MCOLN2: variants seen among roughly 807,000 people sequenced by gnomAD.
The protein encoded by MCOLN2 is mucolipin TRP cation channel 2, also known as mucolipin-2.
A neutral mutation model predicts 67.5 loss-of-function variants in MCOLN2; 57 were observed. The ratio of observed to expected loss-of-function variants is 0.84; its 90% CI spans 0.68 to 1.05. MCOLN2 has a LOEUF of 1.05. MCOLN2 is among the 50% of genes least tolerant of loss of function. The probability of loss-of-function intolerance (pLI) is 0.00; values close to 1 mark genes in which losing one functional copy is unlikely to be tolerated. For synonymous variants in MCOLN2, 246 were observed against 233.3 expected (o/e 1.05, Z -0.50); for missense variants, 620 against 678.8 (o/e 0.91, Z 0.96).
At chr1:84,956,310 C>G in intron 4 of MCOLN2, 121 bp downstream of exon 4, 1 of 902,016 alleles carries the variant, frequency 1.1e-6, no homozygotes, top group South Asian at 1.6e-5. Flanking sequence ...GGAGTGTCAG[C>G]CCCTAACAGG....
chr1:84,969,570 CAAAAAA>C (rs60003501), intron 1 of MCOLN2, among the ~76,000 whole-genome samples: 2 of 80,702 alleles, frequency 2.5e-5, no homozygotes, highest in Non-Finnish European at 2.7e-5. Flanking sequence ...GACTCTGCCT[CAAAAAA>C]AAAAAAAAAA....
intron 4 of MCOLN2, among the ~76,000 whole-genome samples, chr1:84,955,557 T>C (rs1648740073): frequency 6.6e-6 from 1 of 152,174 alleles, no homozygotes; most frequent in African/African-American, 2.4e-5. Context: ...CTAGTTTCTA[T>C]AAGGACTTGT....
In MCOLN2 at chr1:84,952,265, T is replaced by C. The variant is rs779785162; in HGVS notation, c.725A>G (p.Asp242Gly). ...LQTIHSRELP[D>G]CYVFQNTIIF... ...TGCCGTATTCTGAAAGACATAACAG[T>C]CTGGTAACTCACGGGAATGAATTGT... Residue 242 changes from aspartate (D) to glycine (G), a missense_variant, in exon 6 of 14, where the codon GAC becomes GGC. Transcript: ENST00000370608. 25 of 1,612,522 alleles carry C rather than the reference T, an allele frequency of 1.6e-5. No homozygotes were observed. Among genetic ancestry groups the C allele is most frequent in the Non-Finnish European group, 2.1e-5 (25 of 1,179,174 alleles).
intron 1 of MCOLN2, among the ~76,000 whole-genome samples, chr1:84,975,066 T>A (rs1048726180): frequency 2.0e-5 from 3 of 152,230 alleles, no homozygotes; most frequent in African/African-American, 7.2e-5. Context: ...TTGTAGTCCC[T>A]GACTCCTGGA....
chr1:84,933,695 T>G (rs541971194), intron 11 of MCOLN2, among the ~76,000 whole-genome samples: 10 of 152,234 alleles, frequency 6.6e-5, no homozygotes, highest in Admixed American at 2.0e-4. Context: ...TTCTCTAGTT[T>G]CAAGAACCCC....
chr1:84,931,387 A>G lies in MCOLN2; in HGVS notation c.1517T>C (p.Ile506Thr). Residue 506 changes from isoleucine to threonine, a missense_variant, in exon 12 of 14, where the codon ATT becomes ACT. Ile to Thr is a moderately conservative substitution (Grantham distance 89). Coordinates refer to ENST00000370608, the MANE Select transcript of MCOLN2 (RefSeq NM_153259.4). ...YMILSLFIAL[I>T]TDSYDTIKKF... is the part of the protein sequence containing the mutation. ...CTTAATGGTGTCATAAGAATCTGTA[A>G]TAAGTGCAATAAAAAGACTGAGAAT... The G allele has an allele frequency of 6.3e-7, 1 of 1,586,004 alleles. No homozygotes were observed.
At chr1:84,977,199 A>G (rs560621920) in intron 1 of MCOLN2, among the ~76,000 whole-genome samples, 1 of 152,294 alleles carries the variant, frequency 6.6e-6, no homozygotes, top group East Asian at 1.9e-4. Context: ...GGTTTATAAG[A>G]TAGTATTTAC....
intron 1 of MCOLN2, among the ~76,000 whole-genome samples, chr1:84,992,729 T>TATA (rs1463708913): frequency 2.7e-5 from 4 of 147,520 alleles, no homozygotes; most frequent in Non-Finnish European, 1.5e-5. Context: ...CATAGTCTAT[T>TATA]AAGTCTGCAA....
At chr1:84,952,367 A>G (rs751378683) in intron 5 of MCOLN2, 28 bp from the exon 6 acceptor site, 80 of 1,591,194 alleles carry the variant, frequency 5.0e-5, no homozygotes, top group Non-Finnish European at 6.5e-5. Context: ...AAAGGTATAA[A>G]TTGTCATAAT....
At chr1:84,981,994 C>T (rs370185240) in intron 1 of MCOLN2, among the ~76,000 whole-genome samples, 19 of 150,360 alleles carry the variant, frequency 1.3e-4, no homozygotes, top group African/African-American at 3.7e-4. Context: ...CAAAAAATTA[C>T]GTTTATTGTA....
rs982971235 is a variant in MCOLN2 at position 84,926,514 on chromosome 1, A to G, written c.*171T>C. ...TATTCTTTATCATTCAAGTTTATAA[A>G]AAGTAAAGCTGGAACTTCAGTCATG... On this transcript the variant is annotated 3_prime_UTR_variant, in exon 14 of 14. Coordinates refer to ENST00000370608, the MANE Select transcript of MCOLN2 (RefSeq NM_153259.4). 2 of 450,070 alleles carry G rather than the reference A, an allele frequency of 4.4e-6. No individual in the cohort carries two copies. Among genetic ancestry groups the G allele is most frequent in the Non-Finnish European group, 8.0e-6 (2 of 250,300 alleles). The allele number at this position is 450,070 out of a possible 1,614,324, so 27.9% of individuals were successfully genotyped here.
chr1:84,980,478 A>G (rs1345294287), intron 1 of MCOLN2, among the ~76,000 whole-genome samples: 2 of 152,114 alleles, frequency 1.3e-5, no homozygotes, highest in Admixed American at 6.5e-5. Flanking sequence ...AAAAACAGAT[A>G]CACAGACCAA....
intron 7 of MCOLN2, 42 bp downstream of exon 7, chr1:84,946,991 A>T: frequency 3.1e-6 from 3 of 954,372 alleles, no homozygotes; most frequent in Middle Eastern, 2.5e-4. Flanking sequence ...AAGTGTTAAA[A>T]ATCATCTATA....
At chr1:84,965,735 T>A (rs756052192) in intron 1 of MCOLN2, 27 bp from the exon 2 acceptor site, 1 of 1,606,184 alleles carries the variant, frequency 6.2e-7, no homozygotes, top group South Asian at 1.1e-5. Flanking sequence ...ATTTTAAATA[T>A]CCAGGAAAGC....
Position 84,926,505 on chromosome 1 carries a change from A to G in MCOLN2, c.*180T>C, listed in dbSNP as rs147930099. On this transcript the variant is annotated 3_prime_UTR_variant, in exon 14 of 14. Coordinates refer to ENST00000370608, the MANE Select transcript of MCOLN2 (RefSeq NM_153259.4). ...CCCATGGTCTATTCTTTATCATTCA[A>G]GTTTATAAAAAGTAAAGCTGGAACT... 2.6e-3 allele frequency: 1,173 copies of G among 448,180 alleles called. 3 individuals carry two copies. The highest frequency in any genetic ancestry group is 3.9e-3 in the Non-Finnish European group (973 of 248,862). The allele number at this position is 448,180 out of a possible 1,614,324, so 27.8% of individuals were successfully genotyped here.
Position 84,997,085 on chromosome 1 carries a change from T to C in MCOLN2, c.-213A>G. ...GCAGTCGTGGAGTGCGGCGGGCAGT[T>C]CTCGGGCGGCTGAAAGGCGGCTCTG... On this transcript the variant is annotated 5_prime_UTR_variant, in exon 1 of 14. Transcript: ENST00000370608. The C allele has an allele frequency of 1.7e-6, 1 of 578,974 alleles. No individual in the cohort carries two copies. Among genetic ancestry groups the C allele is most frequent in the Non-Finnish European group, 3.0e-6 (1 of 327,932 alleles). The allele number at this position is 578,974 out of a possible 1,614,324, so 35.9% of individuals were successfully genotyped here.
chr1:84,952,734 T>C (rs1648565771), intron 4 of MCOLN2, among the ~76,000 whole-genome samples: 1 of 152,168 alleles, frequency 6.6e-6, no homozygotes, highest in East Asian at 1.9e-4. Context: ...ACTAACCAAG[T>C]GATCAGTTAC....
chr1:84,948,773 T>C (rs183442647), intron 6 of MCOLN2, among the ~76,000 whole-genome samples: 276 of 152,360 alleles, frequency 1.8e-3, no homozygotes, highest in Non-Finnish European at 3.1e-3. Flanking sequence ...AGCTGAATTA[T>C]TCAATGAGTG....
chr1:84,948,232 C>G (rs1458348150), intron 6 of MCOLN2, among the ~76,000 whole-genome samples: 1 of 152,246 alleles, frequency 6.6e-6, no homozygotes, highest in African/African-American at 2.4e-5. Flanking sequence ...ACATGTCCAG[C>G]CCGACAACAA....
Sources: allele counts gnomAD v4.1 joint callset (sites outside exome capture counted in the v4.1 genomes callset), GRCh38; gene constraint gnomAD v4.1.1; transcripts MANE v1.5; gene names NCBI Gene and HGNC (gene_info 2026-07-23, HGNC 2026-07-21).